The following TEC variants were observed in gnomAD, a reference collection of about 807,000 sequenced individuals.
The protein encoded by TEC is tyrosine-protein kinase Tec.
Under a neutral mutation model 93.0 loss-of-function variants are expected in TEC, and 72 were observed. That is an observed-to-expected ratio of 0.77 (90% CI 0.64 to 0.94). TEC has a LOEUF of 0.94. Among genes scored for constraint, TEC ranks in the 40% least tolerant of loss-of-function variants. TEC has a pLI of 0.00. For synonymous variants in TEC, 249 were observed against 247.7 expected, an observed-to-expected ratio of 1.01 and a Z score of -0.05; for missense variants, 630 against 757.9, an observed-to-expected ratio of 0.83 and a Z score of 1.98.
chr4:48,227,513 T>C (rs1250469409), intron 2 of TEC, among the ~76,000 whole-genome samples: 2 of 151,728 alleles, frequency 1.3e-5, no homozygotes, highest in Admixed American at 6.6e-5. Flanking sequence ...TGCGGTGGCA[T>C]GCACCTGTAA....
At chr4:48,177,890 G>A (rs927962816) in intron 2 of TEC, among the ~76,000 whole-genome samples, 9 of 152,136 alleles carry the variant, frequency 5.9e-5, no homozygotes, top group Non-Finnish European at 5.9e-5. Context: ...TCTCTTGCCT[G>A]CCGCCATGTA....
chr4:48,146,257 A>C, intron 12 of TEC, 68 bp downstream of exon 12: 1 of 1,487,174 alleles, frequency 6.7e-7, no homozygotes, highest in Admixed American at 1.7e-5. Flanking sequence ...TACACATCCA[A>C]ATTTATCTTA....
intron 2 of TEC, among the ~76,000 whole-genome samples, chr4:48,186,404 G>C (rs1022985343): frequency 9.9e-5 from 15 of 151,722 alleles, no homozygotes; most frequent in African/African-American, 3.1e-4. Context: ...TCCCGTCTAG[G>C]AAGTGAGGAG....
At chr4:48,258,147 T>TTG (rs1438068283) in intron 1 of TEC, among the ~76,000 whole-genome samples, 4 of 150,008 alleles carry the variant, frequency 2.7e-5, no homozygotes, top group East Asian at 1.9e-4. Context: ...TTTTTTTGGT[T>TTG]TTTTTTTTTT....
chr4:48,236,209 A>T (rs1723778655), intron 1 of TEC, among the ~76,000 whole-genome samples: 1 of 152,226 alleles, frequency 6.6e-6, no homozygotes, highest in Admixed American at 6.5e-5. Flanking sequence ...TCTAAATTTT[A>T]AAATGAAGAT....
At position 48,146,389 on chromosome 4, in the gene TEC, G is replaced by C; in HGVS notation, c.1017C>G (p.Thr339=). The part of the protein sequence containing the change: ...YHKHNAAGLV[T]RLRYPVSVKG... ...TCACACTAACTGGGTACCGAAGCCT[G>C]GTGACAAGTCCTAATAATCAAAGAA... is the stretch of plus-strand genomic sequence containing the variant. Residue 339 remains threonine (T), a synonymous_variant, in exon 12 of 18, where the codon ACC becomes ACG. Transcript: ENST00000381501. The C allele has an allele frequency of 1.2e-6, 2 of 1,613,504 alleles. No individual in the cohort carries two copies. Among genetic ancestry groups the C allele is most frequent in the Non-Finnish European group, 1.7e-6 (2 of 1,179,622 alleles).
chr4:48,143,398 T>G (rs1719766338), intron 14 of TEC, among the ~76,000 whole-genome samples: 1 of 152,234 alleles, frequency 6.6e-6, no homozygotes, highest in Non-Finnish European at 1.5e-5. Context: ...TATAAGGACA[T>G]CTATTTTGTT....
At chr4:48,137,621 T>A (rs1719481876) in intron 17 of TEC, 122 bp from the exon 18 acceptor site, 5 of 753,128 alleles carry the variant, frequency 6.6e-6, no homozygotes, top group Non-Finnish European at 1.1e-5. Flanking sequence ...GACTAGGACA[T>A]ACAGGCATCT....
intron 2 of TEC, among the ~76,000 whole-genome samples, chr4:48,177,775 C>T (rs778219386): frequency 2.0e-5 from 3 of 152,238 alleles, no homozygotes; most frequent in Middle Eastern, 3.4e-3. Flanking sequence ...GGATCATGGC[C>T]GCAGTTTCCC....
At chr4:48,142,522 C>A (rs1719721592) in intron 14 of TEC, among the ~76,000 whole-genome samples, 1 of 151,968 alleles carries the variant, frequency 6.6e-6, no homozygotes, top group South Asian at 2.1e-4. Flanking sequence ...TTTATGTTCC[C>A]AGTATATTAT....
At chr4:48,261,755 A>G (rs573520555) in intron 1 of TEC, among the ~76,000 whole-genome samples, 1 of 152,198 alleles carries the variant, frequency 6.6e-6, no homozygotes, top group Non-Finnish European at 1.5e-5. Context: ...TTGATACTCT[A>G]TTGTAAGCAT....
At chr4:48,219,080 A>C (rs764587566) in intron 2 of TEC, among the ~76,000 whole-genome samples, 2 of 152,240 alleles carry the variant, frequency 1.3e-5, no homozygotes, top group Non-Finnish European at 2.9e-5. Flanking sequence ...ATGAAGAATT[A>C]TCAGTCATTA....
Position 48,141,390 on chromosome 4 carries a change from C to T in TEC, c.1500G>A (p.Ala500=), listed in dbSNP as rs199764131. The T allele has an allele frequency of 1.1e-5, 17 of 1,613,672 alleles. No homozygotes were observed. The highest frequency in any genetic ancestry group is 1.7e-5 in the Admixed American group (1 of 59,984). ...CAAAATCAGATACTTTTACAACTCC[C>T]GCCTCACTTACTAGACAATTTCTGG... ...LAARNCLVSE[A]GVVKVSDFGM... is the part of the protein sequence containing the mutation. The change falls in exon 15 of 18, where the codon GCG becomes GCA. Residue 500 remains alanine (A), a synonymous_variant. Transcript: ENST00000381501.
intron 3 of TEC, among the ~76,000 whole-genome samples, chr4:48,172,730 G>T (rs932615500): frequency 6.6e-6 from 1 of 152,138 alleles, no homozygotes; most frequent in African/African-American, 2.4e-5. Flanking sequence ...GACAAATATA[G>T]AAATACCTTA....
chr4:48,206,031 G>C (rs1169535739), intron 2 of TEC, among the ~76,000 whole-genome samples: 2 of 152,164 alleles, frequency 1.3e-5, no homozygotes, highest in Non-Finnish European at 2.9e-5. Context: ...GCTACAACTT[G>C]AATGAACCTT....
At chr4:48,216,246 A>G (rs1483778560) in intron 2 of TEC, among the ~76,000 whole-genome samples, 1 of 101,840 alleles carries the variant, frequency 9.8e-6, no homozygotes, top group Non-Finnish European at 1.9e-5. Context: ...CGCCCCAGGA[A>G]AAAAAAAAAA....
intron 1 of TEC, among the ~76,000 whole-genome samples, chr4:48,243,995 T>TA (rs1482829408): frequency 6.9e-6 from 1 of 145,740 alleles, no homozygotes; most frequent in Non-Finnish European, 1.5e-5. Flanking sequence ...GGTAGAGAGA[T>TA]AACCAGCAAA....
chr4:48,172,059 G>C (rs1721136240), intron 3 of TEC, among the ~76,000 whole-genome samples: 1 of 152,176 alleles, frequency 6.6e-6, no homozygotes, highest in South Asian at 2.1e-4. Flanking sequence ...TGCCTAACCT[G>C]CCCATTGCCA....
chr4:48,219,999 G>A (rs752580299), intron 2 of TEC, among the ~76,000 whole-genome samples: 3 of 151,836 alleles, frequency 2.0e-5, no homozygotes, highest in African/African-American at 4.8e-5. Context: ...CAATATCAAG[G>A]TTCGAATTCT....
Sources: gnomAD v4.1 joint callset for allele counts (sites outside exome capture counted in the v4.1 genomes callset) on GRCh38, gnomAD v4.1.1 for gene constraint, MANE v1.5 for transcripts, NCBI Gene and HGNC (gene_info 2026-07-23, HGNC 2026-07-21) for gene names.